AKT3: variants seen among roughly 807,000 people sequenced by gnomAD.
The protein encoded by AKT3 is RAC-gamma serine/threonine-protein kinase.
A neutral mutation model predicts 65.3 loss-of-function variants in AKT3; 15 were observed. The observed-to-expected ratio is 0.23, with a 90% CI of 0.15 to 0.35. The LOEUF (loss-of-function observed/expected upper bound fraction) is 0.35, where lower values mean the gene tolerates loss of function less well. Among genes scored for constraint, AKT3 ranks in the 10% least tolerant of loss-of-function variants. AKT3 has a pLI of 1.00. For synonymous variants in AKT3, 206 were observed against 183.8 expected (o/e 1.12, Z -0.98); for missense variants, 243 against 576.5 (o/e 0.42, Z 5.92).
rs375934574 is a variant in AKT3 at position 243,545,522 on chromosome 1, T to G, written c.1239A>C (p.Val413=). The change falls in exon 12 of 14, where the codon GTA becomes GTC. Residue 413 remains valine, a synonymous_variant. Transcript: ENST00000673466. The part of the protein sequence containing the change: ...SFFSGVNWQD[V]YDKKLVPPFK... ...AAAGAAATCTTACCTTTTTATCATA[T>G]ACATCTTGCCAGTTTACTCCAGAGA... is the stretch of plus-strand genomic sequence containing the variant. 1.2e-6 allele frequency: 2 copies of G among 1,609,238 alleles called. No individual in the cohort carries two copies. Among genetic ancestry groups the G allele is most frequent in the South Asian group, 2.2e-5 (2 of 90,850 alleles).
At chr1:243,494,259 G>A (rs970347438) in intron 13 of AKT3, among the ~76,000 whole-genome samples, 4 of 152,072 alleles carry the variant, frequency 2.6e-5, no homozygotes, top group African/African-American at 4.8e-5. Flanking sequence ...CGAATTGTCA[G>A]TCTCAAAAAT....
intron 3 of AKT3, among the ~76,000 whole-genome samples, chr1:243,684,293 G>A (rs1684131026): frequency 6.6e-6 from 1 of 152,008 alleles, no homozygotes; most frequent in Non-Finnish European, 1.5e-5. Flanking sequence ...TTCTCCTAAT[G>A]CTATCCCTCC....
At position 243,491,268 on chromosome 1, in the gene AKT3, A is replaced by AT. The variant is rs1256013519; in HGVS notation, c.*7-2819dup. Among the ~76,000 whole-genome samples, 4 of 152,240 alleles carry AT rather than the reference A, an allele frequency of 2.6e-5. No individual in the cohort carries two copies. In the East Asian group the frequency reaches 7.7e-4, roughly 29 times the overall value. ...GAGTTGCAAAATTTTCACAAAACGC[A>AT]TTAAAAAAACCCCAAACCTCAAAAA... On this transcript the variant is annotated intron_variant, in intron 13 of 13. Coordinates refer to the AKT3 transcript ENST00000336199.
intron 8 of AKT3, among the ~76,000 whole-genome samples, chr1:243,582,077 CAAGA>C (rs1675405055): frequency 6.6e-6 from 1 of 151,780 alleles, no homozygotes; most frequent in South Asian, 2.1e-4. Context: ...ATAAAGTCTT[CAAGA>C]AATATGGAAT....
chr1:243,662,373 GC>G (rs1682424310), intron 4 of AKT3, among the ~76,000 whole-genome samples: 1 of 152,084 alleles, frequency 6.6e-6, no homozygotes, highest in Non-Finnish European at 1.5e-5. Context: ...ATACTATGCA[GC>G]CATAAAAAAT....
chr1:243,672,071 A>G (rs1422513455), intron 3 of AKT3, among the ~76,000 whole-genome samples: 5 of 152,188 alleles, frequency 3.3e-5, no homozygotes, highest in Non-Finnish European at 7.3e-5. Flanking sequence ...GTTTCAACTG[A>G]TAACAGTGTT....
chr1:243,733,676 T>C (rs1687682239), intron 2 of AKT3, among the ~76,000 whole-genome samples: 1 of 152,222 alleles, frequency 6.6e-6, no homozygotes, highest in Admixed American at 6.5e-5. Context: ...AAACAAGTTA[T>C]ATGAAATTCT....
rs6675301 is a variant in AKT3 at position 243,796,906 on chromosome 1, T to C, written c.46+46219A>G. 3.6e-3 allele frequency among the ~76,000 whole-genome samples: 554 copies of C among 152,210 alleles called. 4 individuals are homozygous for C. The highest frequency in any genetic ancestry group is 0.013 in the African/African-American group (524 of 41,518). ...ACAAATACTGTACGATCCACTTACA[T>C]GAGGCACTAAAGCAGTCAAATTTAA... On this transcript the variant is annotated intron_variant, in intron 2 of 13. Transcript: ENST00000673466.
At chr1:243,840,907 A>G (rs1197906475) in intron 2 of AKT3, among the ~76,000 whole-genome samples, 1 of 152,152 alleles carries the variant, frequency 6.6e-6, no homozygotes, top group Non-Finnish European at 1.5e-5. Flanking sequence ...TGAAGGTTAA[A>G]GTTTAGTATA....
At chr1:243,512,193 A>C in intron 13 of AKT3, 131 bp downstream of exon 13, 4 of 549,916 alleles carry the variant, frequency 7.3e-6, no homozygotes, top group Non-Finnish European at 1.2e-5. Context: ...ATATTCTTAA[A>C]TAGAATGGAG....
At chr1:243,545,684 T>C (rs1245095930) in intron 11 of AKT3, 87 bp from the exon 12 acceptor site, 1 of 963,994 alleles carries the variant, frequency 1.0e-6, no homozygotes, top group African/African-American at 1.6e-5. Flanking sequence ...AAAGTGTAAT[T>C]TTCTGTGTAA....
chr1:243,543,074 G>A (rs1260334467), intron 12 of AKT3, among the ~76,000 whole-genome samples: 17 of 152,036 alleles, frequency 1.1e-4, no homozygotes, highest in Admixed American at 1.0e-3. Flanking sequence ...CAACTTGAAC[G>A]AATTTATCTA....
intron 2 of AKT3, among the ~76,000 whole-genome samples, chr1:243,700,241 A>G (rs1461378269): frequency 6.6e-6 from 1 of 152,196 alleles, no homozygotes; most frequent in East Asian, 1.9e-4. Flanking sequence ...AGGAAAATCC[A>G]CATTACTACT....
At chr1:243,655,902 G>A (rs976751638) in intron 4 of AKT3, among the ~76,000 whole-genome samples, 2 of 152,024 alleles carry the variant, frequency 1.3e-5, no homozygotes, top group Middle Eastern at 3.2e-3. Context: ...TCACTGTCTG[G>A]GTTTCTTTCT....
At chr1:243,515,461 A>G (rs1483536015) in intron 12 of AKT3, among the ~76,000 whole-genome samples, 1 of 150,974 alleles carries the variant, frequency 6.6e-6, no homozygotes, top group Non-Finnish European at 1.5e-5. Flanking sequence ...TTTAAAAAGG[A>G]TGGATTTTTC....
chr1:243,613,092 C>CGT (rs1678003614), intron 8 of AKT3: 1 of 136,756 alleles, frequency 7.3e-6, no homozygotes, highest in South Asian at 2.2e-4. Context: ...CACACACACA[C>CGT]ACACACACAT....
intron 8 of AKT3, among the ~76,000 whole-genome samples, chr1:243,591,021 C>G (rs745898158): frequency 2.0e-5 from 3 of 151,990 alleles, no homozygotes; most frequent in East Asian, 1.9e-4. Context: ...AAAGAGCCTA[C>G]GAGGATCCTT....
chr1:243,524,324 C>T (rs1353520426), intron 12 of AKT3, among the ~76,000 whole-genome samples: 2 of 152,174 alleles, frequency 1.3e-5, no homozygotes, highest in South Asian at 2.1e-4. Context: ...AAACACCAAG[C>T]ACCAGCCTCT....
intron 2 of AKT3, among the ~76,000 whole-genome samples, chr1:243,795,360 A>G (rs1326204021): frequency 6.6e-6 from 1 of 151,692 alleles, no homozygotes; most frequent in Non-Finnish European, 1.5e-5. Context: ...GAAGGATAGG[A>G]CAGGCTTGAC....
Sources: allele counts gnomAD v4.1 joint callset (sites outside exome capture counted in the v4.1 genomes callset), GRCh38; gene constraint gnomAD v4.1.1; transcripts MANE v1.5; gene names NCBI Gene and HGNC (gene_info 2026-07-23, HGNC 2026-07-21).